The following RBFOX1 variants were observed in gnomAD, a reference collection of about 807,000 sequenced individuals.
RBFOX1 encodes RNA binding protein fox-1 homolog 1.
RBFOX1 carries 8 observed loss-of-function variants against 57.7 expected under a neutral mutation model. That is an observed-to-expected ratio of 0.14 (90% confidence interval 0.08 to 0.25). The LOEUF is 0.25. Ranked by LOEUF, RBFOX1 falls within the 10% of genes least tolerant of loss-of-function variation. The pLI is 1.00. For synonymous variants in RBFOX1, 326 were observed against 222.4 expected (o/e 1.47, Z -4.15); for missense variants, 611 against 548.5 (o/e 1.11, Z -1.14).
In RBFOX1 at chr16:5,908,062, G is replaced by A. The variant is rs2058504459; in HGVS notation, c.351+40727G>A. Among the ~76,000 whole-genome samples, 3 of 105,940 alleles carry A rather than the reference G, an allele frequency of 2.8e-5. No individual in the cohort carries two copies. In the South Asian group the frequency reaches 9.8e-4, roughly 35 times the overall value. 69.5% of individuals were successfully genotyped at this position (105,940 alleles called of 152,430 possible). On this transcript the variant is annotated intron_variant, in intron 4 of 19. Transcript: ENST00000641259. ...CATAGCACCTGGTAGATGTATGTAT[G>A]TGTGTATGTATATATATATATATAC...
intron 3 of RBFOX1, among the ~76,000 whole-genome samples, chr16:6,846,114 G>A (rs1603631686): frequency 6.8e-6 from 1 of 147,530 alleles, no homozygotes; most frequent in Admixed American, 6.6e-5. Flanking sequence ...TATAGTCTTT[G>A]TTTTTCATTC....
intron 4 of RBFOX1, among the ~76,000 whole-genome samples, chr16:7,225,253 A>G (rs1432437626): frequency 1.3e-5 from 2 of 151,980 alleles, no homozygotes; most frequent in African/African-American, 4.8e-5. Flanking sequence ...CCCAAATCTC[A>G]TCTTGAATTG....
chr16:6,498,841 C>T lies in RBFOX1; in HGVS notation c.-63-155762C>T, dbSNP rs574397335. 4.6e-5 allele frequency among the ~76,000 whole-genome samples: 7 copies of T among 152,230 alleles called. No homozygotes were observed. The South Asian group carries it at 1.5e-3, about 32-fold the overall frequency. ...GTTCTTCTCCTGAAGCCAAGATATGCATGGTAAAAGCCATGGCACAGTTAG... is the reference window on the plus strand; with the variant it reads ...GTTCTTCTCCTGAAGCCAAGATATGTATGGTAAAAGCCATGGCACAGTTAG... On this transcript the variant is annotated intron_variant, in intron 2 of 15. Transcript: ENST00000550418.
chr16:7,148,260 C>T (rs1468302178), intron 4 of RBFOX1, among the ~76,000 whole-genome samples: 2 of 152,170 alleles, frequency 1.3e-5, no homozygotes, highest in Non-Finnish European at 2.9e-5. Context: ...TTTAAAGGCA[C>T]ACTCTGGCAT....
intron 1 of RBFOX1, among the ~76,000 whole-genome samples, chr16:6,163,019 C>G (rs2096891105): frequency 6.6e-6 from 1 of 152,152 alleles, no homozygotes; most frequent in Non-Finnish European, 1.5e-5. Flanking sequence ...CATGTGCCAA[C>G]CACTGTGCCT....
chr16:7,535,945 G>T (rs979286814), intron 5 of RBFOX1, among the ~76,000 whole-genome samples: 1 of 152,188 alleles, frequency 6.6e-6, no homozygotes, highest in Non-Finnish European at 1.5e-5. Flanking sequence ...GAGAGGCGCA[G>T]AACTGGGCCT....
At chr16:5,777,610 G>A (rs1271779347) in intron 3 of RBFOX1, among the ~76,000 whole-genome samples, 1 of 152,166 alleles carries the variant, frequency 6.6e-6, no homozygotes, top group African/African-American at 2.4e-5. Flanking sequence ...CAACCTTCCT[G>A]AGTCTGAGTT....
intron 4 of RBFOX1, among the ~76,000 whole-genome samples, chr16:5,904,476 G>C (rs1186098984): frequency 6.6e-6 from 1 of 151,842 alleles, no homozygotes; most frequent in East Asian, 2.0e-4. Flanking sequence ...AAGCCTCTGA[G>C]AGAGAAAAAT....
rs566544699 is a variant in RBFOX1 at position 7,236,451 on chromosome 16, T to A, written c.27+184353T>A. Among the ~76,000 whole-genome samples the A allele has an allele frequency of 1.3e-5, 2 of 152,276 alleles. 1 individual carries two copies. Among genetic ancestry groups the A allele is most frequent in the South Asian group, 4.1e-4 (2 of 4,824 alleles). On this transcript the variant is annotated intron_variant, in intron 4 of 15. Transcript: ENST00000550418. ...CCTTCAGTTCTCCTCTCCGCTGTCA[T>A]GCAATCTGGCAGAATCTCTTTCTGC... is the stretch of plus-strand genomic sequence containing the variant.
chr16:6,842,316 C>T (rs1603631202), intron 3 of RBFOX1, among the ~76,000 whole-genome samples: 3 of 151,924 alleles, frequency 2.0e-5, no homozygotes, highest in East Asian at 3.9e-4. Context: ...TTTTTCTGAT[C>T]AGAGAAACAA....
chr16:7,506,067 C>G lies in RBFOX1; in HGVS notation c.28-12080C>G, dbSNP rs76148521. Among the ~76,000 whole-genome samples the G allele has an allele frequency of 5.7e-4, 87 of 151,754 alleles. No homozygotes were observed. The East Asian group carries it at 0.015, about 27-fold the overall frequency. ...GGGCATGGTGACGGGTACCTGTAGT[C>G]CCAGCTACTTGGGAGGCTGAGGCAG... is the stretch of plus-strand genomic sequence containing the variant. On this transcript the variant is annotated intron_variant, in intron 4 of 15. Coordinates refer to ENST00000550418, the MANE Select transcript of RBFOX1 (RefSeq NM_018723.4).
intron 3 of RBFOX1, among the ~76,000 whole-genome samples, chr16:5,857,384 CA>C (rs2057099168): frequency 6.6e-6 from 1 of 152,066 alleles, no homozygotes; most frequent in African/African-American, 2.4e-5. Flanking sequence ...CAAAATGTGC[CA>C]CAGAGACATG....
intron 10 of RBFOX1, among the ~76,000 whole-genome samples, chr16:7,626,362 C>G (rs371500227): frequency 6.6e-6 from 1 of 152,242 alleles, no homozygotes; most frequent in Non-Finnish European, 1.5e-5. Context: ...GATGCCCCAT[C>G]TGAGACCTTG....
At chr16:6,395,349 T>C (rs1015471217) in intron 2 of RBFOX1, among the ~76,000 whole-genome samples, 2 of 152,216 alleles carry the variant, frequency 1.3e-5, no homozygotes. Context: ...GTCAAAGCCA[T>C]GTTATACTTC....
At chr16:5,869,102 A>T (rs895067402) in intron 4 of RBFOX1, among the ~76,000 whole-genome samples, 1 of 152,194 alleles carries the variant, frequency 6.6e-6, no homozygotes, top group Non-Finnish European at 1.5e-5. Context: ...ATTCATAACC[A>T]TGTCTGGCAG....
intron 1 of RBFOX1, among the ~76,000 whole-genome samples, chr16:6,054,097 C>G (rs2095585421): frequency 6.6e-6 from 1 of 151,884 alleles, no homozygotes; most frequent in Admixed American, 6.6e-5. Flanking sequence ...AAATGGCACC[C>G]CTTGAGTGAT....
chr16:5,939,931 C>G (rs757125158), intron 4 of RBFOX1, among the ~76,000 whole-genome samples: 12 of 152,204 alleles, frequency 7.9e-5, no homozygotes, highest in Non-Finnish European at 1.5e-4. Context: ...AGAATCTTGA[C>G]TCTAGAGCCT....
At chr16:6,155,958 G>T (rs1465302609) in intron 1 of RBFOX1, among the ~76,000 whole-genome samples, 2 of 152,094 alleles carry the variant, frequency 1.3e-5, no homozygotes, top group East Asian at 3.9e-4. Flanking sequence ...TTAACCTGTA[G>T]GGTATCATTT....
At chr16:7,363,624 C>T (rs1312479537) in intron 4 of RBFOX1, among the ~76,000 whole-genome samples, 1 of 152,180 alleles carries the variant, frequency 6.6e-6, no homozygotes, top group African/African-American at 2.4e-5. Flanking sequence ...CATGAGTTCA[C>T]AGAACCTTTA....
Sources: gnomAD v4.1 joint callset for allele counts (sites outside exome capture counted in the v4.1 genomes callset) on GRCh38, gnomAD v4.1.1 for gene constraint, MANE v1.5 for transcripts, NCBI Gene and HGNC (gene_info 2026-07-23, HGNC 2026-07-21) for gene names.